The following DDX59 variants were observed in gnomAD, a reference collection of about 807,000 sequenced individuals.
DDX59 encodes probable ATP-dependent RNA helicase DDX59.
A neutral mutation model predicts 51.9 loss-of-function variants in DDX59; 30 were observed. The observed-to-expected ratio is 0.58, with a 90% CI of 0.43 to 0.78. DDX59 has a LOEUF of 0.78. Among genes scored for constraint, DDX59 ranks in the 30% least tolerant of loss-of-function variants. The probability of loss-of-function intolerance (pLI) is 0.00; values close to 1 mark genes in which losing one functional copy is unlikely to be tolerated. For missense variants in DDX59, 672 were observed against 730.8 expected (o/e 0.92, Z 0.93); for synonymous variants, 255 against 253.3 (o/e 1.01, Z -0.06).
rs6665604 is a variant in DDX59 at position 200,649,110 on chromosome 1, T to C, written c.1431A>G (p.Ser477=). The C allele has an allele frequency of 0.96, 1,508,428 of 1,566,354 alleles. 726,481 individuals carry two copies. Among genetic ancestry groups the C allele is most frequent in the East Asian group, 1 (43,564 of 43,568 alleles). Residue 477 remains serine (S), a synonymous_variant, in exon 6 of 8, where the codon TCA becomes TCG. Transcript: ENST00000331314. The part of the protein sequence containing the change: ...ITGLKSISIH[S]EKSQIERKNI... Reference sequence around the variant, plus strand: ...TTTTCCTTTCTATTTGCGACTTCTCTGAATGTATAGATATGCTTTTCAGCC... The same window carrying C: ...TTTTCCTTTCTATTTGCGACTTCTCCGAATGTATAGATATGCTTTTCAGCC...
chr1:200,663,795 C>A, intron 3 of DDX59, 124 bp downstream of exon 3: 289 of 816,440 alleles, frequency 3.5e-4, no homozygotes, highest in Non-Finnish European at 4.6e-4. Context: ...CTAAGGCTTA[C>A]TTGGTAAGAA....
At chr1:200,665,020 T>G (rs1036300830) in intron 2 of DDX59, among the ~76,000 whole-genome samples, 1 of 152,226 alleles carries the variant, frequency 6.6e-6, no homozygotes, top group Non-Finnish European at 1.5e-5. Flanking sequence ...TACTTCATAC[T>G]TCACAAGTTC....
At position 200,644,350 on chromosome 1, in the gene DDX59, T is replaced by C. The variant is rs753328906; in HGVS notation, c.1764A>G (p.Glu588=). The C allele has an allele frequency of 1.9e-6, 3 of 1,613,958 alleles. No individual in the cohort carries two copies. Among genetic ancestry groups the C allele is most frequent in the Non-Finnish European group, 2.5e-6 (3 of 1,179,938 alleles). Reference sequence around the variant, plus strand: ...TCTGTGTCTGTTTATCTTTCTGTTGTTCCTTTCTCTTCTGGTCATGAAGGT... The same window carrying C: ...TCTGTGTCTGTTTATCTTTCTGTTGCTCCTTTCTCTTCTGGTCATGAAGGT... The part of the protein sequence containing the change: ...SPYLHDQKRK[E]QQKDKQTQND... Residue 588 remains glutamate (E), a synonymous_variant, in exon 8 of 8, where the codon GAA becomes GAG. Coordinates refer to ENST00000331314, the MANE Select transcript of DDX59 (RefSeq NM_001031725.6).
chr1:200,658,662 C>G (rs761682632), intron 4 of DDX59, among the ~76,000 whole-genome samples: 3 of 152,180 alleles, frequency 2.0e-5, no homozygotes, highest in Non-Finnish European at 4.4e-5. Flanking sequence ...CGTCACTGCA[C>G]TCCAGCCTGG....
intron 7 of DDX59, among the ~76,000 whole-genome samples, chr1:200,645,671 C>A (rs1379920825): frequency 1.3e-5 from 2 of 152,166 alleles, no homozygotes; most frequent in Non-Finnish European, 2.9e-5. Flanking sequence ...CTAAGAAACT[C>A]TTCAAAAGAG....
chr1:200,643,669 C>CA (rs1661119357), downstream of DDX59, among the ~76,000 whole-genome samples: 1 of 151,920 alleles, frequency 6.6e-6, no homozygotes, highest in Admixed American at 6.6e-5. Flanking sequence ...CAAAAACAAA[C>CA]AAAAAACCTA....
downstream of DDX59, among the ~76,000 whole-genome samples, chr1:200,642,539 T>C (rs1484117312): frequency 6.6e-6 from 1 of 152,206 alleles, no homozygotes; most frequent in Non-Finnish European, 1.5e-5. Flanking sequence ...AGGAAACCAC[T>C]GCATTGCTGC....
At chr1:200,668,424 A>C (rs1662932900) in intron 1 of DDX59, among the ~76,000 whole-genome samples, 1 of 152,218 alleles carries the variant, frequency 6.6e-6, no homozygotes, top group African/African-American at 2.4e-5. Context: ...ACGAGGACTA[A>C]GCTCTAATTT....
At chr1:200,658,822 GA>G (rs1209012274) in intron 4 of DDX59, among the ~76,000 whole-genome samples, 12 of 152,268 alleles carry the variant, frequency 7.9e-5, no homozygotes, top group Admixed American at 7.8e-4. Context: ...TGTCAATTAG[GA>G]AAAGACAGCT....
chr1:200,664,744 C>T (rs1217141410), intron 2 of DDX59, among the ~76,000 whole-genome samples: 8 of 152,014 alleles, frequency 5.3e-5, no homozygotes, highest in East Asian at 1.9e-4. Context: ...GGCACAATCT[C>T]GGCTCACCGC....
rs1298133224 is a variant in DDX59, at chr1:200,663,971, A to G, written c.920T>C (p.Val307Ala). The G allele has an allele frequency of 6.2e-7, 1 of 1,614,208 alleles. No homozygotes were observed. Among genetic ancestry groups the G allele is most frequent in the Non-Finnish European group, 8.5e-7 (1 of 1,180,022 alleles). ...GLPRMKTVLL[V>A]GGLPLPPQLY... ...CTGTGGGGGTAAGGGTAAGCCCCCTACAAGAAGCACAGTTTTCATGCGTGG... is the reference window on the plus strand; with the variant it reads ...CTGTGGGGGTAAGGGTAAGCCCCCTGCAAGAAGCACAGTTTTCATGCGTGG... Residue 307 changes from valine (V) to alanine (A), a missense_variant, in exon 3 of 8, where the codon GTA becomes GCA. Transcript: ENST00000331314.
In DDX59 at chr1:200,644,430, T is replaced by G. The variant is rs369749423; in HGVS notation, c.1684A>C (p.Lys562Gln). The G allele has an allele frequency of 4.3e-6, 7 of 1,613,880 alleles. No homozygotes were observed. The highest frequency in any genetic ancestry group is 8.5e-7 in the Non-Finnish European group (1 of 1,179,908). ...NSKRLFWDIA[K>Q]RVKPTGSILP... ...ATGGATCCTGTGGGCTTTACTCGTT[T>G]TGCAATATCCCAGAAGAGTCTTTTT... The change falls in exon 8 of 8, where the codon AAA (lysine) becomes CAA (glutamine). Residue 562 changes from lysine (K) to glutamine (Q), a missense_variant. Physicochemically the swap from Lys to Gln is moderately conservative, Grantham distance 53. Coordinates refer to ENST00000331314, the MANE Select transcript of DDX59 (RefSeq NM_001031725.6).
chr1:200,648,195 T>C (rs921532707), intron 7 of DDX59, among the ~76,000 whole-genome samples: 21 of 151,784 alleles, frequency 1.4e-4, no homozygotes, highest in Non-Finnish European at 2.6e-4. Context: ...GGCTAAATTT[T>C]TTTTGTATTT....
intron 2 of DDX59, 81 bp from the exon 3 acceptor site, chr1:200,664,167 A>G (rs1207364337): frequency 1.4e-6 from 2 of 1,472,964 alleles, no homozygotes; most frequent in Non-Finnish European, 1.8e-6. Context: ...CAAGGATTCC[A>G]GGAACATGGC....
chr1:200,665,817 G>C (rs1357944926), intron 2 of DDX59, 120 bp downstream of exon 2: 13 of 1,085,880 alleles, frequency 1.2e-5, no homozygotes, highest in Admixed American at 6.1e-5. Context: ...AGGCACTAGT[G>C]ACTAAAATTC....
chr1:200,664,649 T>C (rs1662597760), intron 2 of DDX59, among the ~76,000 whole-genome samples: 1 of 152,164 alleles, frequency 6.6e-6, no homozygotes, highest in African/African-American at 2.4e-5. Context: ...TTTCCAATTT[T>C]TTCTCCTTTA....
At chr1:200,645,633 T>C (rs1429743359) in intron 7 of DDX59, among the ~76,000 whole-genome samples, 1 of 152,128 alleles carries the variant, frequency 6.6e-6, no homozygotes, top group Non-Finnish European at 1.5e-5. Context: ...CAAAACCTAC[T>C]TGTCTCCAAA....
At chr1:200,658,546 T>G (rs1300618524) in intron 4 of DDX59, among the ~76,000 whole-genome samples, 1 of 151,844 alleles carries the variant, frequency 6.6e-6, no homozygotes, top group Non-Finnish European at 1.5e-5. Context: ...AAAACCAAAT[T>G]AGCCAGGCAT....
At chr1:200,648,127 GATTTT>G (rs1661411283) in intron 7 of DDX59, among the ~76,000 whole-genome samples, 2 of 151,720 alleles carry the variant, frequency 1.3e-5, no homozygotes, top group Non-Finnish European at 1.5e-5. Context: ...GAGTTCAAGC[GATTTT>G]CCTGCCTCAG....
Sources: allele counts gnomAD v4.1 joint callset (sites outside exome capture counted in the v4.1 genomes callset), GRCh38; gene constraint gnomAD v4.1.1; transcripts MANE v1.5; gene names NCBI Gene and HGNC (gene_info 2026-07-23, HGNC 2026-07-21).